FASTKD1: variants seen among roughly 807,000 people sequenced by gnomAD.
FASTKD1 encodes FAST kinase domain-containing protein 1, mitochondrial.
In FASTKD1, 94 loss-of-function variants were observed where a neutral mutation model predicts 90.9. That is an observed-to-expected ratio of 1.03 (90% CI 0.88 to 1.23). FASTKD1 has a LOEUF of 1.23. Ranked by LOEUF, FASTKD1 falls within the 50% of genes most tolerant of loss-of-function variation. The pLI is 0.00. For missense variants in FASTKD1, 945 were observed against 993.5 expected, an observed-to-expected ratio of 0.95 and a Z score of 0.66; for synonymous variants, 319 against 345.8, an observed-to-expected ratio of 0.92 and a Z score of 0.86.
chr2:169,563,372 G>A (rs749964408), intron 3 of FASTKD1, 22 bp from the exon 4 acceptor site: 3 of 1,526,814 alleles, frequency 2.0e-6, no homozygotes, highest in South Asian at 2.4e-5. Context: ...AATATACAAA[G>A]GAGAACATTA....
chr2:169,553,036 G>T (rs1156665356), intron 7 of FASTKD1, among the ~76,000 whole-genome samples: 3 of 151,686 alleles, frequency 2.0e-5, no homozygotes, highest in Admixed American at 1.3e-4. Context: ...GTGAAACCTA[G>T]TCTCTACCAA....
intron 12 of FASTKD1, 74 bp downstream of exon 12, chr2:169,537,153 C>A: frequency 3.3e-6 from 3 of 909,704 alleles, no homozygotes; most frequent in East Asian, 2.6e-5. Flanking sequence ...TTAAAAAATT[C>A]CAACTGATAA....
rs57963378 is a variant in FASTKD1, at chr2:169,572,077, G to A, written c.-48C>T. 1.7e-3 allele frequency: 2,654 copies of A among 1,525,666 alleles called. 52 individuals are homozygous for A. The African/African-American group carries it at 0.033, about 19-fold the overall frequency. The allele number at this position is 1,525,666 out of a possible 1,614,324, so 94.5% of individuals were successfully genotyped here. On this transcript the variant is annotated 5_prime_UTR_variant, in exon 2 of 15. The change creates a new upstream start codon in the 5' untranslated region. Coordinates refer to ENST00000453153, the MANE Select transcript of FASTKD1 (RefSeq NM_024622.6). ...TAAACAAAACCATCTGCAACTAGTC[G>A]TCAGGTGCAATAAGCAGGGATACAA...
chr2:169,558,100 T>C (rs71430676), intron 5 of FASTKD1, among the ~76,000 whole-genome samples: 54 of 152,340 alleles, frequency 3.5e-4, no homozygotes, highest in African/African-American at 9.4e-4. Flanking sequence ...AACTATGTTG[T>C]TACAGTATTT....
At chr2:169,553,242 A>T (rs947891512) in intron 7 of FASTKD1, among the ~76,000 whole-genome samples, 2 of 148,368 alleles carry the variant, frequency 1.3e-5, no homozygotes, top group African/African-American at 4.9e-5. Flanking sequence ...ATAAAAACAT[A>T]AAAATATAGA....
intron 2 of FASTKD1, among the ~76,000 whole-genome samples, chr2:169,571,391 G>A (rs769648939): frequency 6.6e-6 from 1 of 151,666 alleles, no homozygotes; most frequent in Admixed American, 6.6e-5. Flanking sequence ...GTGAAACCCC[G>A]TCTCTACTAA....
At chr2:169,542,848 C>T (rs568066057) in intron 9 of FASTKD1, among the ~76,000 whole-genome samples, 3 of 152,222 alleles carry the variant, frequency 2.0e-5, no homozygotes, top group South Asian at 4.2e-4. Context: ...GGCAAGACTC[C>T]GTCTCAAAAA....
chr2:169,570,096 T>C (rs1281257185), intron 2 of FASTKD1, among the ~76,000 whole-genome samples: 1 of 152,128 alleles, frequency 6.6e-6, no homozygotes, highest in African/African-American at 2.4e-5. Flanking sequence ...CAAAAACAAC[T>C]TACACGTCTC....
chr2:169,536,146 C>T (rs1291224539), intron 12 of FASTKD1, among the ~76,000 whole-genome samples: 1 of 152,084 alleles, frequency 6.6e-6, no homozygotes, highest in Non-Finnish European at 1.5e-5. Context: ...TCATTGAGCA[C>T]TTACTATGTT....
Position 169,541,815 on chromosome 2 carries a change from G to GA in FASTKD1, c.1817-1637_1817-1636insT, listed in dbSNP as rs577312969. On this transcript the variant is annotated intron_variant, in intron 9 of 14. Transcript: ENST00000453153. Reference sequence around the variant, plus strand: ...AGAGCAAAAAGATCTGAGGAAACCAGTCTCTGGCTGTCTCTCCAACTTTAT... The same window carrying GA: ...AGAGCAAAAAGATCTGAGGAAACCAGATCTCTGGCTGTCTCTCCAACTTTAT... 2.5e-3 allele frequency among the ~76,000 whole-genome samples: 375 copies of GA among 152,192 alleles called. 2 individuals carry two copies. Among genetic ancestry groups the GA allele is most frequent in the South Asian group, 0.013 (64 of 4,820 alleles).
At chr2:169,556,641 C>A (rs1683328755) in intron 6 of FASTKD1, among the ~76,000 whole-genome samples, 1 of 151,892 alleles carries the variant, frequency 6.6e-6, no homozygotes, top group African/African-American at 2.4e-5. Context: ...CTGGCCAACA[C>A]AGTGAAACCC....
chr2:169,546,364 C>T lies in FASTKD1; in HGVS notation c.1555G>A (p.Glu519Lys). ...AAATGCTGTAAAGTAGCAATCATTT[C>T]TTCAAGAAGTGACTCAGGAAACGTG... is the stretch of plus-strand genomic sequence containing the variant. ...GNTFPESLLE[E>K]MIATLQHFMD... is the part of the protein sequence containing the mutation. Residue 519 changes from glutamate (E) to lysine (K), a missense_variant, in exon 8 of 15, where the codon GAA becomes AAA. Physicochemically the swap from Glu to Lys is moderately conservative, Grantham distance 56 (BLOSUM62 1). Coordinates refer to ENST00000453153, the MANE Select transcript of FASTKD1 (RefSeq NM_024622.6). The T allele has an allele frequency of 6.2e-7, 1 of 1,614,110 alleles. No homozygotes were observed. The highest frequency in any genetic ancestry group is 8.5e-7 in the Non-Finnish European group (1 of 1,180,008).
chr2:169,530,783 A>T, intron 13 of FASTKD1, 82 bp from the exon 14 acceptor site: 1 of 752,424 alleles, frequency 1.3e-6, no homozygotes, highest in South Asian at 1.7e-5. Context: ...ACAAGATTGC[A>T]TCTTTATAAA....
intron 7 of FASTKD1, among the ~76,000 whole-genome samples, chr2:169,551,034 C>A (rs1574389835): frequency 6.6e-6 from 1 of 152,072 alleles, no homozygotes; most frequent in South Asian, 2.1e-4. Flanking sequence ...TAGATATTTG[C>A]GTATATTTAT....
At chr2:169,567,709 C>T (rs1684047900) in intron 3 of FASTKD1, among the ~76,000 whole-genome samples, 1 of 152,100 alleles carries the variant, frequency 6.6e-6, no homozygotes, top group Non-Finnish European at 1.5e-5. Context: ...AAATAAATAG[C>T]CTGTTGTTTC....
intron 12 of FASTKD1, among the ~76,000 whole-genome samples, chr2:169,534,419 C>T (rs1426331985): frequency 6.7e-6 from 1 of 150,362 alleles, no homozygotes; most frequent in Admixed American, 6.6e-5. Flanking sequence ...GACTTCCTAG[C>T]CTCCAGAACT....
At position 169,560,633 on chromosome 2, in the gene FASTKD1, C is replaced by G. The variant is rs2460866; in HGVS notation, c.725G>C (p.Arg242Thr). The G allele has an allele frequency of 1.2e-6, 2 of 1,612,892 alleles. No individual in the cohort carries two copies. The change falls in exon 5 of 15, where the codon AGA (arginine) becomes ACA (threonine). Residue 242 changes from arginine (R) to threonine (T), a missense_variant. Arg to Thr is a moderately conservative substitution (Grantham distance 71, BLOSUM62 -1). Coordinates refer to ENST00000453153, the MANE Select transcript of FASTKD1 (RefSeq NM_024622.6). ...TTCTAATAGTGGTTGATAACGATAT[C>G]TAACATTTCGAAGAAACTTTGCTAT... ...KSIAKFLRNVRYRYQPLLERC... is the reference protein window; with the variant it reads ...KSIAKFLRNVTYRYQPLLERC...
At chr2:169,559,325 G>A in intron 5 of FASTKD1, among the ~76,000 whole-genome samples, 1 of 152,138 alleles carries the variant, frequency 6.6e-6, no homozygotes, top group Non-Finnish European at 1.5e-5. Context: ...CCCTAACAGA[G>A]TAATGATACA....
intron 7 of FASTKD1, among the ~76,000 whole-genome samples, chr2:169,548,041 A>G (rs976662195): frequency 2.0e-5 from 3 of 151,380 alleles, no homozygotes; most frequent in Non-Finnish European, 4.4e-5. Flanking sequence ...GAAAAGAAAA[A>G]AAAATCTTTA....
Sources: allele counts gnomAD v4.1 joint callset (sites outside exome capture counted in the v4.1 genomes callset), GRCh38; gene constraint gnomAD v4.1.1; transcripts MANE v1.5; gene names NCBI Gene and HGNC (gene_info 2026-07-23, HGNC 2026-07-21).